Variants in SPATA13 observed in about 807,000 individuals in gnomAD.
SPATA13 encodes the protein spermatogenesis associated 13.
Under a neutral mutation model 104.0 loss-of-function variants are expected in SPATA13, and 50 were observed. The observed-to-expected ratio is 0.48, with a 90% CI of 0.38 to 0.61. The LOEUF is 0.61. Ranked by LOEUF, SPATA13 falls within the 20% of genes least tolerant of loss-of-function variation. SPATA13 has a pLI of 0.00. For synonymous variants in SPATA13, 606 were observed against 667.5 expected, an observed-to-expected ratio of 0.91 and a Z score of 1.42; for missense variants, 1,524 against 1,690.6, an observed-to-expected ratio of 0.90 and a Z score of 1.73.
rs533889627 is a variant in SPATA13 at position 23,992,012 on chromosome 13, C to G, written c.-147+8079C>G. On this transcript the variant is annotated intron_variant, in intron 2 of 14. Coordinates refer to the SPATA13 transcript ENST00000424834. Reference sequence around the variant, plus strand: ...CCATTGTTGAGTGGTTACTACAAGCCAAGCCCTCTGCTAAATATTTCACAT... The same window carrying G: ...CCATTGTTGAGTGGTTACTACAAGCGAAGCCCTCTGCTAAATATTTCACAT... 2.0e-5 allele frequency among the ~76,000 whole-genome samples: 3 copies of G among 152,324 alleles called. No homozygotes were observed. In the East Asian group the frequency reaches 5.8e-4, roughly 29 times the overall value.
chr13:23,995,169 C>T (rs745691182), intron 2 of SPATA13, among the ~76,000 whole-genome samples: 5 of 152,092 alleles, frequency 3.3e-5, no homozygotes, highest in Admixed American at 6.6e-5. Flanking sequence ...AAGATACATG[C>T]CAATCTCATT....
intron 1 of SPATA13, among the ~76,000 whole-genome samples, chr13:24,164,911 C>A (rs975023631): frequency 6.6e-6 from 1 of 152,208 alleles, no homozygotes; most frequent in Non-Finnish European, 1.5e-5. Context: ...CCAGCCGTCG[C>A]GCTAACTTCG....
chr13:24,281,209 G>A lies in SPATA13; in HGVS notation c.2165-2926G>A, dbSNP rs1045149694. On this transcript the variant is annotated intron_variant, in intron 4 of 12. Coordinates refer to ENST00000382108, the MANE Select transcript of SPATA13 (RefSeq NM_001166271.3). Reference sequence around the variant, plus strand: ...TGTGGAGCGCTTTCTTCTGCCTCTTGGCTTTGTGCTTAGGCCCGGGAATTT... The same window carrying A: ...TGTGGAGCGCTTTCTTCTGCCTCTTAGCTTTGTGCTTAGGCCCGGGAATTT... Among the ~76,000 whole-genome samples the A allele has an allele frequency of 2.2e-4, 34 of 152,218 alleles. 2 individuals carry two copies. Among genetic ancestry groups the A allele is most frequent in the Admixed American group, 2.2e-3 (33 of 15,288 alleles).
At chr13:24,083,165 A>G (rs1879598138) in intron 3 of SPATA13, among the ~76,000 whole-genome samples, 1 of 152,258 alleles carries the variant, frequency 6.6e-6, no homozygotes, top group Admixed American at 6.5e-5. Flanking sequence ...TCAGAACAGC[A>G]TCAACCAGTA....
chr13:24,027,087 T>A (rs925141510), intron 3 of SPATA13, among the ~76,000 whole-genome samples: 1 of 151,766 alleles, frequency 6.6e-6, no homozygotes, highest in South Asian at 2.1e-4. Flanking sequence ...TTCTCTCTTA[T>A]ATCCCTGTCA....
rs1317196309 is a variant in SPATA13 at position 24,205,426 on chromosome 13, T to C, written c.-111-17393T>C. Among the ~76,000 whole-genome samples, 1 of 151,972 alleles carries C rather than the reference T, an allele frequency of 6.6e-6. No homozygotes were observed. The highest frequency in any genetic ancestry group is 1.5e-5 in the Non-Finnish European group (1 of 68,008). On this transcript the variant is annotated intron_variant, in intron 1 of 12. Coordinates refer to ENST00000382108, the MANE Select transcript of SPATA13 (RefSeq NM_001166271.3). This position sits in a 1 kb window ranked among gnomAD's most constrained non-coding sequence, Gnocchi z 4.1. ...TTCAAGGAGAATTACAAACCACTGC[T>C]CAAAGAAATCAGAGATGCAAATGGA...
chr13:24,060,045 C>A (rs1047121566), intron 3 of SPATA13, among the ~76,000 whole-genome samples: 1 of 152,108 alleles, frequency 6.6e-6, no homozygotes, highest in African/African-American at 2.4e-5. Context: ...TGAGAAGTTC[C>A]AATGACATTC....
At chr13:24,040,899 C>T (rs1197073628) in intron 3 of SPATA13, among the ~76,000 whole-genome samples, 1 of 152,176 alleles carries the variant, frequency 6.6e-6, no homozygotes, top group Non-Finnish European at 1.5e-5. Flanking sequence ...TAGAGCACCA[C>T]GAACTCAAAT....
At chr13:23,991,391 G>C (rs1484219081) in intron 2 of SPATA13, among the ~76,000 whole-genome samples, 5 of 152,104 alleles carry the variant, frequency 3.3e-5, no homozygotes, top group Non-Finnish European at 2.9e-5. Context: ...AAATAGCAAA[G>C]GTCATATTTT....
At chr13:24,022,051 CTT>C (rs780493002) in intron 3 of SPATA13, among the ~76,000 whole-genome samples, 5 of 130,846 alleles carry the variant, frequency 3.8e-5, no homozygotes, top group Admixed American at 1.6e-4. Context: ...TCTTTTCTTT[CTT>C]TTTTTTTTTT....
At chr13:24,232,278 G>C (rs1465974807) in intron 2 of SPATA13, among the ~76,000 whole-genome samples, 1 of 152,250 alleles carries the variant, frequency 6.6e-6, no homozygotes, top group Non-Finnish European at 1.5e-5. Context: ...ATGTCTGCCA[G>C]GAGAGGAGGG....
intron 2 of SPATA13, among the ~76,000 whole-genome samples, chr13:24,235,053 G>T (rs184631511): frequency 6.6e-6 from 1 of 152,174 alleles, no homozygotes; most frequent in Non-Finnish European, 1.5e-5. Context: ...ATGGTAAATC[G>T]GGTTAATAGT....
At chr13:24,093,145 A>G (rs796733946) in intron 3 of SPATA13, among the ~76,000 whole-genome samples, 4 of 152,352 alleles carry the variant, frequency 2.6e-5, no homozygotes, top group African/African-American at 9.6e-5. Context: ...AACAGGCCCT[A>G]TATTTCATAA....
intron 9 of SPATA13, 152 bp from the exon 10 acceptor site, chr13:24,294,587 G>T: frequency 1.3e-6 from 1 of 762,578 alleles, no homozygotes; most frequent in East Asian, 2.8e-5. Context: ...CTATTCACAA[G>T]GGAACAAGAA....
chr13:24,278,214 G>A (rs1297128567), intron 4 of SPATA13, among the ~76,000 whole-genome samples: 2 of 152,166 alleles, frequency 1.3e-5, no homozygotes, highest in Admixed American at 1.3e-4. Flanking sequence ...AGCTACTGCT[G>A]GAGGAGACAG....
intron 1 of SPATA13, among the ~76,000 whole-genome samples, chr13:24,197,270 A>T (rs192658755): frequency 1.1e-4 from 17 of 151,530 alleles, no homozygotes; most frequent in Admixed American, 9.2e-4. Context: ...TTGACACAAC[A>T]GAGACTCAGT....
chr13:24,247,522 C>T (rs577935094), intron 2 of SPATA13, among the ~76,000 whole-genome samples: 9 of 126,040 alleles, frequency 7.1e-5, no homozygotes, highest in South Asian at 2.7e-4. Flanking sequence ...TTCTGTCACC[C>T]GGGCTGGAGT....
intron 1 of SPATA13, among the ~76,000 whole-genome samples, chr13:24,196,823 G>A (rs896985558): frequency 1.8e-4 from 27 of 151,808 alleles, no homozygotes; most frequent in Admixed American, 1.5e-3. Flanking sequence ...GAAGAAAATG[G>A]CCAATTAATG....
At chr13:24,235,313 A>G (rs114459510) in intron 2 of SPATA13, among the ~76,000 whole-genome samples, 153 of 152,352 alleles carry the variant, frequency 1.0e-3, no homozygotes, top group African/African-American at 3.5e-3. Context: ...ACTTTTGTCA[A>G]TGCAAACTTT....
Sources: gnomAD v4.1 joint callset for allele counts (sites outside exome capture counted in the v4.1 genomes callset) on GRCh38, gnomAD v4.1.1 for gene constraint, Gnocchi (gnomAD v3.1) non-coding constraint, MANE v1.5 for transcripts, NCBI Gene and HGNC (gene_info 2026-07-23, HGNC 2026-07-21) for gene names.